PDE11A: variants seen among roughly 807,000 people sequenced by gnomAD.
PDE11A encodes dual 3',5'-cyclic-AMP and -GMP phosphodiesterase 11A.
A neutral mutation model predicts 100.5 loss-of-function variants in PDE11A; 100 were observed. The observed-to-expected ratio is 1.00, with a 90% CI of 0.85 to 1.18. The LOEUF is 1.18. Ranked by LOEUF, PDE11A falls within the 50% of genes most tolerant of loss-of-function variation. The probability of loss-of-function intolerance (pLI) is 0.00; values close to 1 mark genes in which losing one functional copy is unlikely to be tolerated. For synonymous variants in PDE11A, 381 were observed against 420.8 expected (o/e 0.91, Z 1.16); for missense variants, 1,141 against 1,152.6 (o/e 0.99, Z 0.15).
At chr2:177,756,466 G>A (rs1214584360) in intron 10 of PDE11A, among the ~76,000 whole-genome samples, 1 of 152,178 alleles carries the variant, frequency 6.6e-6, no homozygotes, top group Non-Finnish European at 1.5e-5. Context: ...TGTTGGTGGT[G>A]AGGGGAAGAG....
At chr2:177,906,201 GCA>G (rs1447344791) in intron 2 of PDE11A, among the ~76,000 whole-genome samples, 1 of 146,052 alleles carries the variant, frequency 6.8e-6, no homozygotes, top group African/African-American at 2.6e-5. Context: ...ACGCACGCAC[GCA>G]CACAATGGTG....
intron 10 of PDE11A, among the ~76,000 whole-genome samples, chr2:177,732,165 C>T (rs369963987): frequency 1.3e-5 from 2 of 151,920 alleles, no homozygotes; most frequent in African/African-American, 2.4e-5. Flanking sequence ...TCTTATTCTG[C>T]GCCCCTGTGG....
intron 1 of PDE11A, among the ~76,000 whole-genome samples, chr2:178,051,949 A>T (rs563313097): frequency 1.3e-5 from 2 of 152,332 alleles, no homozygotes; most frequent in East Asian, 3.9e-4. Flanking sequence ...CATTAGACAG[A>T]TCAACGAGAC....
chr2:177,678,547 G>T (rs748247121), intron 16 of PDE11A, among the ~76,000 whole-genome samples: 1 of 152,110 alleles, frequency 6.6e-6, no homozygotes, highest in South Asian at 2.1e-4. Flanking sequence ...CTGGCACATG[G>T]TGGTAATAAA....
chr2:177,882,288 T>C (rs1260830188), intron 4 of PDE11A, among the ~76,000 whole-genome samples: 1 of 152,228 alleles, frequency 6.6e-6, no homozygotes, highest in Non-Finnish European at 1.5e-5. Flanking sequence ...AAATTGTTTA[T>C]AGTCAGATAC....
intron 15 of PDE11A, among the ~76,000 whole-genome samples, chr2:177,682,041 A>C (rs2080873364): frequency 6.6e-6 from 1 of 152,132 alleles, no homozygotes; most frequent in African/African-American, 2.4e-5. Context: ...CACCTTTTAA[A>C]GTCTGATAAG....
intron 2 of PDE11A, among the ~76,000 whole-genome samples, chr2:178,086,139 T>C (rs1230561523): frequency 6.6e-6 from 1 of 152,194 alleles, no homozygotes; most frequent in East Asian, 1.9e-4. Flanking sequence ...CTTCCAATAG[T>C]CTCAGGCCTC....
chr2:177,920,094 A>T (rs534472898), intron 2 of PDE11A, among the ~76,000 whole-genome samples: 1 of 152,270 alleles, frequency 6.6e-6, no homozygotes, highest in East Asian at 1.9e-4. Flanking sequence ...AAGATAGAAT[A>T]AAAATATATA....
At chr2:178,010,971 T>G (rs1161938389) in intron 2 of PDE11A, among the ~76,000 whole-genome samples, 1 of 152,162 alleles carries the variant, frequency 6.6e-6, no homozygotes, top group Non-Finnish European at 1.5e-5. Context: ...TAATAAAAAT[T>G]TATCTTTAAA....
intron 6 of PDE11A, among the ~76,000 whole-genome samples, chr2:177,823,425 T>C (rs1418729725): frequency 6.6e-6 from 1 of 152,198 alleles, no homozygotes; most frequent in African/African-American, 2.4e-5. Context: ...ACAGTGATGA[T>C]GATAAGCTCA....
intron 15 of PDE11A, among the ~76,000 whole-genome samples, chr2:177,681,168 T>C (rs376848715): frequency 6.6e-6 from 1 of 152,200 alleles, no homozygotes; most frequent in South Asian, 2.1e-4. Context: ...AACAATGTGG[T>C]GCGGCATTTA....
chr2:177,703,238 C>G (rs73979531), intron 13 of PDE11A, among the ~76,000 whole-genome samples: 1 of 151,890 alleles, frequency 6.6e-6, no homozygotes, highest in African/African-American at 2.4e-5. Context: ...ATCTACCATG[C>G]GGTAGTCTAT....
chr2:177,785,479 G>A (rs1449272563), intron 9 of PDE11A, among the ~76,000 whole-genome samples: 1 of 152,230 alleles, frequency 6.6e-6, no homozygotes, highest in Non-Finnish European at 1.5e-5. Flanking sequence ...GGTGATTTCT[G>A]CATTTCCATC....
chr2:177,842,280 G>A (rs996647824), intron 5 of PDE11A, among the ~76,000 whole-genome samples: 2 of 152,120 alleles, frequency 1.3e-5, no homozygotes, highest in African/African-American at 4.8e-5. Context: ...GGTAGGGTGG[G>A]GCTCAAGGAA....
chr2:178,022,305 T>A (rs2086422794), intron 1 of PDE11A, among the ~76,000 whole-genome samples: 1 of 152,154 alleles, frequency 6.6e-6, no homozygotes, highest in South Asian at 2.1e-4. Context: ...CTGGTGCAGA[T>A]GTCTGGGAGG....
At chr2:177,899,637 A>AATATATATATATATATATATAT (rs3037901) in intron 3 of PDE11A, 27 of 203,184 alleles carry the variant, frequency 1.3e-4, no homozygotes, top group African/African-American at 5.9e-4. Flanking sequence ...CAGATTCTTA[A>AATATATATATATATATATATAT]ATATATATAT....
intron 10 of PDE11A, among the ~76,000 whole-genome samples, chr2:177,736,454 G>A (rs181422752): frequency 2.3e-4 from 35 of 152,064 alleles, no homozygotes; most frequent in South Asian, 4.2e-4. Context: ...AACCCAGGAG[G>A]TGGAGGTTGC....
chr2:177,754,940 A>G (rs1044836568), intron 10 of PDE11A, among the ~76,000 whole-genome samples: 1 of 152,222 alleles, frequency 6.6e-6, no homozygotes, highest in African/African-American at 2.4e-5. Context: ...AGATCTAGGG[A>G]TGTTTGGCCT....
rs978794535 is a variant in PDE11A, at chr2:177,646,824, C to T, written c.2646+17042G>A. ...TCTTTGACTCATCTACTCTACCCTG[C>T]CCTGGGAAAATAAAACAAGAGTTCT... On this transcript the variant is annotated intron_variant, in intron 19 of 19. Transcript: ENST00000286063. Among the ~76,000 whole-genome samples the T allele has an allele frequency of 2.6e-5, 4 of 152,316 alleles. No homozygotes were observed. The East Asian group carries it at 7.7e-4, about 29-fold the overall frequency.
Sources: gnomAD v4.1 joint callset for allele counts (sites outside exome capture counted in the v4.1 genomes callset) on GRCh38, gnomAD v4.1.1 for gene constraint, MANE v1.5 for transcripts, NCBI Gene and HGNC (gene_info 2026-07-23, HGNC 2026-07-21) for gene names.